Variants in CNPY1 observed in about 807,000 individuals in gnomAD.
The protein encoded by CNPY1 is protein canopy homolog 1.
A neutral mutation model predicts 14.4 loss-of-function variants in CNPY1; 14 were observed. The ratio of observed to expected loss-of-function variants is 0.97; its 90% CI spans 0.64 to 1.52. The LOEUF is 1.52. CNPY1 is among the 40% of genes most tolerant of loss of function. The pLI, the probability that CNPY1 is intolerant of heterozygous loss-of-function variation, is 0.00. For missense variants in CNPY1, 129 were observed against 131.5 expected (o/e 0.98, Z 0.09); for synonymous variants, 43 against 46.5 (o/e 0.92, Z 0.31).
intron 2 of CNPY1, among the ~76,000 whole-genome samples, chr7:155,544,089 C>T (rs976324101): frequency 1.3e-5 from 2 of 152,176 alleles, no homozygotes; most frequent in Non-Finnish European, 2.9e-5. Flanking sequence ...CTCAGGACCC[C>T]CAAACGTGGA....
chr7:155,519,786 T>C (rs568240942), intron 2 of CNPY1, among the ~76,000 whole-genome samples: 2 of 152,310 alleles, frequency 1.3e-5, no homozygotes, highest in African/African-American at 4.8e-5. Flanking sequence ...AGTGTCTCTT[T>C]CCAGCCTTCA....
At chr7:155,531,671 G>A (rs2116741070) in intron 2 of CNPY1, among the ~76,000 whole-genome samples, 1 of 152,296 alleles carries the variant, frequency 6.6e-6, no homozygotes, top group Middle Eastern at 3.4e-3. Flanking sequence ...TTTCCTAAGA[G>A]CAGCCCTGTT....
intron 4 of CNPY1, among the ~76,000 whole-genome samples, chr7:155,506,436 G>C (rs1441780274): frequency 6.6e-6 from 1 of 152,132 alleles, no homozygotes; most frequent in Non-Finnish European, 1.5e-5. Flanking sequence ...TCCAGCTTCT[G>C]AGTGTGTGTA....
Position 155,502,009 on chromosome 7 carries a change from G to GGC in CNPY1, c.*1058_*1059insGC, listed in dbSNP as rs1554446760. On this transcript the variant is annotated 3_prime_UTR_variant, in exon 5 of 5. Transcript: ENST00000636446. ...AGTTTTGGGTCGGGGGGGTTGGGGG[G>GGC]GGGATTTGTAGCATCCTACCCACTT... The GGC allele has an allele frequency of 6.8e-6, 1 of 147,518 alleles. No individual in the cohort carries two copies. Among genetic ancestry groups the GGC allele is most frequent in the Non-Finnish European group, 1.5e-5 (1 of 66,652 alleles). The allele number at this position is 147,518 out of a possible 1,614,324, so 9.1% of individuals were successfully genotyped here.
intron 2 of CNPY1, among the ~76,000 whole-genome samples, chr7:155,515,304 C>G (rs116748504): frequency 0.14 from 19,881 of 137,442 alleles, 1,828 homozygotes; most frequent in African/African-American, 0.24. Flanking sequence ...GCCCCCCCCC[C>G]CCCCGGCCCC....
intron 2 of CNPY1, among the ~76,000 whole-genome samples, chr7:155,543,556 T>C (rs1301833299): frequency 6.6e-6 from 1 of 152,156 alleles, no homozygotes. Flanking sequence ...TCTAGAAGTT[T>C]CCAGGGGAAG....
At chr7:155,511,744 C>T (rs955833019) in intron 2 of CNPY1, among the ~76,000 whole-genome samples, 1 of 152,014 alleles carries the variant, frequency 6.6e-6, no homozygotes, top group Non-Finnish European at 1.5e-5. Context: ...TTACGATGTT[C>T]GTTAAAAACA....
At chr7:155,509,622 C>G (rs1796463820) in intron 2 of CNPY1, among the ~76,000 whole-genome samples, 1 of 152,172 alleles carries the variant, frequency 6.6e-6, no homozygotes, top group Admixed American at 6.5e-5. Flanking sequence ...CAAAGTCTGG[C>G]CCTCCCCGGG....
rs771404172 is a variant in CNPY1, at chr7:155,507,069, G to A, written c.351C>T (p.Ile117=). ...CAGCTAGATAGTGTGTCTCCTGGGCGATAAGTGAGGATATTTCATCTTCAT... is the reference window on the plus strand; with the variant it reads ...CAGCTAGATAGTGTGTCTCCTGGGCAATAAGTGAGGATATTTCATCTTCAT... The part of the protein sequence containing the change: ...EEYEDEISSL[I]AQETHYLADK... Residue 117 remains isoleucine (I), a synonymous_variant, in exon 4 of 5, where the codon ATC becomes ATT. Transcript: ENST00000636446. The A allele has an allele frequency of 5.0e-6, 8 of 1,612,026 alleles. No individual in the cohort carries two copies. The highest frequency in any genetic ancestry group is 4.5e-5 in the East Asian group (2 of 44,832).
chr7:155,530,232 T>C (rs1296941330), intron 2 of CNPY1, among the ~76,000 whole-genome samples: 6 of 150,150 alleles, frequency 4.0e-5, no homozygotes, highest in Non-Finnish European at 5.9e-5. Flanking sequence ...CTAACTATAG[T>C]CAGAGGTCCA....
intron 2 of CNPY1, among the ~76,000 whole-genome samples, chr7:155,515,999 AC>A (rs1263719814): frequency 1.5e-5 from 2 of 135,742 alleles, no homozygotes; most frequent in African/African-American, 2.8e-5. Context: ...GAGCAAATGA[AC>A]GTGCACGCGT....
chr7:155,542,083 G>C (rs1797090913), intron 2 of CNPY1, among the ~76,000 whole-genome samples: 1 of 152,178 alleles, frequency 6.6e-6, no homozygotes, highest in Non-Finnish European at 1.5e-5. Flanking sequence ...CTAGAAGCCG[G>C]TGCAGAACAC....
At chr7:155,524,848 G>A (rs1444689147) in intron 2 of CNPY1, among the ~76,000 whole-genome samples, 1 of 148,474 alleles carries the variant, frequency 6.7e-6, no homozygotes, top group Admixed American at 6.7e-5. Context: ...TAAATGTTGG[G>A]GACCGCTGCT....
chr7:155,528,007 C>G (rs1796861088), intron 2 of CNPY1, among the ~76,000 whole-genome samples: 1 of 152,172 alleles, frequency 6.6e-6, no homozygotes, highest in African/African-American at 2.4e-5. Flanking sequence ...ATTAGTGGGC[C>G]TCAGGAACCC....
intron 2 of CNPY1, among the ~76,000 whole-genome samples, chr7:155,527,434 CTTTTTTTTT>C (rs11364914): frequency 1.4e-4 from 8 of 56,884 alleles, no homozygotes; most frequent in Non-Finnish European, 1.8e-4. Context: ...TAATTAATTT[CTTTTTTTTT>C]TTTTTTTTTT....
chr7:155,509,347 A>G (rs1796445554), intron 2 of CNPY1, among the ~76,000 whole-genome samples: 1 of 152,232 alleles, frequency 6.6e-6, no homozygotes, highest in South Asian at 2.1e-4. Flanking sequence ...GCCAGAAAAA[A>G]AATACATTCA....
intron 2 of CNPY1, among the ~76,000 whole-genome samples, chr7:155,544,755 G>T (rs1263388867): frequency 6.6e-6 from 1 of 152,224 alleles, no homozygotes; most frequent in Non-Finnish European, 1.5e-5. Context: ...CCTGCACGGG[G>T]TCCCTCCGGT....
intron 2 of CNPY1, among the ~76,000 whole-genome samples, chr7:155,529,225 G>C (rs565970791): frequency 6.6e-6 from 1 of 152,284 alleles, no homozygotes; most frequent in African/African-American, 2.4e-5. Flanking sequence ...TGAGAAACCA[G>C]AAGTCCGACG....
At chr7:155,520,603 C>G (rs955908887) in intron 2 of CNPY1, among the ~76,000 whole-genome samples, 1 of 151,902 alleles carries the variant, frequency 6.6e-6, no homozygotes. Context: ...TTAAGTCCTT[C>G]ACGTCATTTG....
Sources: gnomAD v4.1 joint callset for allele counts (sites outside exome capture counted in the v4.1 genomes callset) on GRCh38, gnomAD v4.1.1 for gene constraint, MANE v1.5 for transcripts, NCBI Gene and HGNC (gene_info 2026-07-23, HGNC 2026-07-21) for gene names.